The following KREMEN1 variants were observed in gnomAD, a reference collection of about 807,000 sequenced individuals.
KREMEN1 encodes kremen protein 1.
Under a neutral mutation model 46.5 loss-of-function variants are expected in KREMEN1, and 30 were observed. The ratio of observed to expected loss-of-function variants is 0.65; its 90% CI spans 0.48 to 0.88. KREMEN1 has a LOEUF of 0.88. KREMEN1 is among the 40% of genes least tolerant of loss of function. The pLI is 0.00. For missense variants in KREMEN1, 533 were observed against 596.9 expected (o/e 0.89, Z 1.11); for synonymous variants, 214 against 230.6 (o/e 0.93, Z 0.65).
chr22:29,137,226 A>G (rs1227782007), intron 5 of KREMEN1, 116 bp from the exon 6 acceptor site: 2 of 668,134 alleles, frequency 3.0e-6, no homozygotes, highest in Non-Finnish European at 4.7e-6. Context: ...TTACAGATAG[A>G]AACAATGTCC....
At chr22:29,124,142 A>G (rs1262689294) in intron 4 of KREMEN1, among the ~76,000 whole-genome samples, 3 of 152,214 alleles carry the variant, frequency 2.0e-5, no homozygotes, top group South Asian at 2.1e-4. Context: ...TAGCAGTTCT[A>G]TTCATAATTA....
rs11366831 is a variant in KREMEN1 at position 29,098,185 on chromosome 22, C to CA, written c.261-665dup. ...TGGGTGACAGATTGAGAGTTTGTCT[C>CA]AAAAAAAAAAAAGCCTCATAAGACA... On this transcript the variant is annotated intron_variant, in intron 2 of 8. Coordinates refer to ENST00000400335, the MANE Select transcript of KREMEN1 (RefSeq NM_001039570.3). Among the ~76,000 whole-genome samples, 1,256 of 134,170 alleles carry CA rather than the reference C, an allele frequency of 9.4e-3. 17 individuals are homozygous for CA. Among genetic ancestry groups the CA allele is most frequent in the African/African-American group, 0.029 (1,098 of 37,486 alleles). The allele number at this position is 134,170 out of a possible 152,430, so 88.0% of individuals were successfully genotyped here. A position where few individuals can be genotyped will look rare whatever the true frequency, so the allele number is the denominator to read the frequency against.
At position 29,144,226 on chromosome 22, in the gene KREMEN1, T is replaced by C. The variant is rs1423937519; in HGVS notation, c.*2114T>C. 5.1e-6 allele frequency: 5 copies of C among 985,528 alleles called. No individual in the cohort carries two copies. In the East Asian group the frequency reaches 4.5e-4, roughly 89 times the overall value. The allele number at this position is 985,528 out of a possible 1,614,324, so 61.0% of individuals were successfully genotyped here. A position where few individuals can be genotyped will look rare whatever the true frequency, so the allele number is the denominator to read the frequency against. On this transcript the variant is annotated 3_prime_UTR_variant, in exon 9 of 9. Coordinates refer to ENST00000400335, the MANE Select transcript of KREMEN1 (RefSeq NM_001039570.3). ...CTGAGCCACTGCCTGCTGGGGCTCC[T>C]ACTGAGGTTCTGGAAACACCTCTGC...
At position 29,073,628 on chromosome 22, in the gene KREMEN1, C is replaced by T. The variant is rs928896735; in HGVS notation, c.97+401C>T. 6.6e-5 allele frequency among the ~76,000 whole-genome samples: 10 copies of T among 152,134 alleles called. No individual in the cohort carries two copies. The highest frequency in any genetic ancestry group is 6.2e-4 in the South Asian group (3 of 4,824). On this transcript the variant is annotated intron_variant, in intron 1 of 8. Transcript: ENST00000400335. This position sits in a 1 kb window ranked among gnomAD's most constrained non-coding sequence, Gnocchi z 4.4. ...ACCAGGCCGGGACGCCCCCTCTCCC[C>T]GGTACCTCCTGGGATCCCGTCCCAA...
intron 3 of KREMEN1, among the ~76,000 whole-genome samples, chr22:29,114,680 T>C (rs947510875): frequency 2.6e-5 from 4 of 152,102 alleles, no homozygotes; most frequent in African/African-American, 9.7e-5. Context: ...CACCAGCCTA[T>C]GGTATTTTGT....
At chr22:29,107,063 C>T (rs1019865616) in intron 3 of KREMEN1, among the ~76,000 whole-genome samples, 1 of 152,150 alleles carries the variant, frequency 6.6e-6, no homozygotes, top group African/African-American at 2.4e-5. Flanking sequence ...CTGTTCTCAG[C>T]GAGGAAAGGG....
At chr22:29,131,554 ATATATATGTGTGTGTGTG>A (rs1469259957) in intron 5 of KREMEN1, among the ~76,000 whole-genome samples, 2 of 73,238 alleles carry the variant, frequency 2.7e-5, no homozygotes. Context: ...ATATATATAT[ATATATATGTGTGTGTGTG>A]TGTGTGTGTG....
chr22:29,109,675 T>C (rs73882463), intron 3 of KREMEN1, among the ~76,000 whole-genome samples: 2,100 of 152,286 alleles, frequency 0.014, 56 homozygotes, highest in African/African-American at 0.048. Flanking sequence ...GGGACTGATA[T>C]GCTGAAAGCC....
At chr22:29,121,981 A>G (rs905636778) in intron 4 of KREMEN1, among the ~76,000 whole-genome samples, 5 of 152,248 alleles carry the variant, frequency 3.3e-5, no homozygotes, top group African/African-American at 7.2e-5. Flanking sequence ...GAACTTATCA[A>G]TATTAAAATA....
Position 29,137,347 on chromosome 22 carries a change from G to C in KREMEN1, c.637G>C (p.Val213Leu). ...DGRIILFDTL[V>L]GACGGNYSAM... Reference sequence around the variant, plus strand: ...TGTCTTTTTCTCTCCTACAGCTCTCGTGGGCGCCTGCGGTGGGAACTACTC... The same window carrying C: ...TGTCTTTTTCTCTCCTACAGCTCTCCTGGGCGCCTGCGGTGGGAACTACTC... The change falls in exon 6 of 9, where the codon GTG becomes CTG. Residue 213 changes from valine to leucine, a missense_variant. Coordinates refer to ENST00000400335, the MANE Select transcript of KREMEN1 (RefSeq NM_001039570.3). 1 of 1,476,794 alleles carries C rather than the reference G, an allele frequency of 6.8e-7. No individual in the cohort carries two copies. The highest frequency in any genetic ancestry group is 9.0e-7 in the Non-Finnish European group (1 of 1,107,628). 91.5% of individuals were successfully genotyped at this position (1,476,794 alleles called of 1,614,324 possible).
chr22:29,073,715 G>T lies in KREMEN1; in HGVS notation c.97+488G>T, dbSNP rs1043589457. ...GCTCCCCGGTACCTCCTAGGATCCC[G>T]TCCCAAAATCCCCAGCGACTCCCCA... On this transcript the variant is annotated intron_variant, in intron 1 of 8. Coordinates refer to ENST00000400335, the MANE Select transcript of KREMEN1 (RefSeq NM_001039570.3). The surrounding 1 kb of genome is among the most constrained non-coding windows in gnomAD (Gnocchi z 4.4). 2.0e-4 allele frequency among the ~76,000 whole-genome samples: 29 copies of T among 145,678 alleles called. No individual in the cohort carries two copies. The highest frequency in any genetic ancestry group is 7.5e-4 in the African/African-American group (29 of 38,492).
intron 5 of KREMEN1, among the ~76,000 whole-genome samples, chr22:29,128,342 A>T (rs1230421372): frequency 6.6e-6 from 1 of 152,212 alleles, no homozygotes; most frequent in South Asian, 2.1e-4. Flanking sequence ...CCCCATTATA[A>T]GTCAAGGAAC....
At chr22:29,100,411 T>C (rs2037959335) in intron 3 of KREMEN1, among the ~76,000 whole-genome samples, 1 of 152,134 alleles carries the variant, frequency 6.6e-6, no homozygotes, top group African/African-American at 2.4e-5. Flanking sequence ...AGTCTTTATA[T>C]ATGTATATAA....
Position 29,154,721 on chromosome 22 carries a change from A to G in KREMEN1, c.1417-12323A>G, listed in dbSNP as rs578106556. ...TTACAGTTACACGGATTTTTTGCCC[A>G]GCGCGGTGATGCGTGCCTGTAATCC... On this transcript the variant is annotated intron_variant, in intron 9 of 9. Coordinates refer to the KREMEN1 transcript ENST00000327813. 2.0e-5 allele frequency: 3 copies of G among 152,342 alleles called. No individual in the cohort carries two copies. The South Asian group carries it at 6.2e-4, about 32-fold the overall frequency. 9.4% of individuals were successfully genotyped at this position (152,342 alleles called of 1,614,324 possible). A position where few individuals can be genotyped will look rare whatever the true frequency, so the allele number is the denominator to read the frequency against.
chr22:29,159,957 A>T (rs1318432651), intron 9 of KREMEN1, among the ~76,000 whole-genome samples: 2 of 152,120 alleles, frequency 1.3e-5, no homozygotes, highest in Admixed American at 6.6e-5. Context: ...ATAGTGGAGG[A>T]CTTCAACACC....
In KREMEN1 at chr22:29,138,677, G is replaced by A. The variant is rs141945870; in HGVS notation, c.1018G>A (p.Glu340Lys). 24 of 1,614,210 alleles carry A rather than the reference G, an allele frequency of 1.5e-5. No individual in the cohort carries two copies. Among genetic ancestry groups the A allele is most frequent in the East Asian group, 1.3e-4 (6 of 44,882 alleles). The change falls in exon 7 of 9, where the codon GAG becomes AAG. Residue 340 changes from glutamate to lysine, a missense_variant. Glu to Lys is a moderately conservative substitution (Grantham distance 56). Coordinates refer to ENST00000400335, the MANE Select transcript of KREMEN1 (RefSeq NM_001039570.3). ...ERPAVNQTVA[E>K]VITEQANLSV... ...GCCCGCTGTCAACCAGACGGTGGCC[G>A]AGGTGATCACGGAGCAGGCCAACCT...
chr22:29,131,560 A>ATATATATATATGTGTGTGTGTG, intron 5 of KREMEN1, among the ~76,000 whole-genome samples: 1 of 69,940 alleles, frequency 1.4e-5, no homozygotes, highest in African/African-American at 8.3e-5. Flanking sequence ...ATATATATAT[A>ATATATATATATGTGTGTGTGTG]TGTGTGTGTG....
intron 1 of KREMEN1, among the ~76,000 whole-genome samples, chr22:29,084,508 A>T (rs1360171408): frequency 6.6e-6 from 1 of 152,220 alleles, no homozygotes; most frequent in Non-Finnish European, 1.5e-5. Flanking sequence ...CATGCTTCAC[A>T]GTGACAAGCA....
At chr22:29,154,142 G>A (rs1032912825) in intron 9 of KREMEN1, among the ~76,000 whole-genome samples, 2 of 152,030 alleles carry the variant, frequency 1.3e-5, no homozygotes, top group Non-Finnish European at 2.9e-5. Flanking sequence ...GGAGCAGGGG[G>A]CACCTCAGAT....
Sources: allele counts gnomAD v4.1 joint callset (sites outside exome capture counted in the v4.1 genomes callset), GRCh38; gene constraint gnomAD v4.1.1; non-coding constraint Gnocchi (gnomAD v3.1); transcripts MANE v1.5; gene names NCBI Gene and HGNC (gene_info 2026-07-23, HGNC 2026-07-21).